DCLK3: variants seen among roughly 807,000 people sequenced by gnomAD.
DCLK3 encodes doublecortin like kinase 3, also known as serine/threonine-protein kinase DCLK3.
DCLK3 carries 30 observed loss-of-function variants against 46.4 expected under a neutral mutation model. That is an observed-to-expected ratio of 0.65 (90% CI 0.48 to 0.88). The LOEUF is 0.88. Among genes scored for constraint, DCLK3 ranks in the 40% least tolerant of loss-of-function variants. DCLK3 has a pLI of 0.00. For missense variants in DCLK3, 846 were observed against 907.1 expected, an observed-to-expected ratio of 0.93 and a Z score of 0.87; for synonymous variants, 401 against 339.2, an observed-to-expected ratio of 1.18 and a Z score of -2.00.
At chr3:36,742,237 G>A (rs767014353) in intron 1 of DCLK3, among the ~76,000 whole-genome samples, 25 of 152,170 alleles carry the variant, frequency 1.6e-4, no homozygotes, top group Non-Finnish European at 3.1e-4. Context: ...ATCTGAGTGT[G>A]GTAATGGATG....
intron 1 of DCLK3, among the ~76,000 whole-genome samples, chr3:36,752,597 G>A (rs935251984): frequency 8.5e-5 from 13 of 152,214 alleles, no homozygotes; most frequent in Non-Finnish European, 1.9e-4. Flanking sequence ...GGTGGCTGGA[G>A]TGTCTTGAAA....
intron 1 of DCLK3, among the ~76,000 whole-genome samples, chr3:36,743,758 A>T (rs1418873343): frequency 1.3e-5 from 2 of 152,104 alleles, no homozygotes; most frequent in Non-Finnish European, 2.9e-5. Context: ...AATAACCTAC[A>T]GTAGCTCCTT....
intron 1 of DCLK3, among the ~76,000 whole-genome samples, chr3:36,744,985 G>A (rs529812570): frequency 4.0e-4 from 61 of 152,254 alleles, no homozygotes; most frequent in African/African-American, 1.3e-3. Flanking sequence ...CTCAGAAAGT[G>A]GGTCTCTTAT....
chr3:36,757,947 C>T (rs1701502628), intron 1 of DCLK3, among the ~76,000 whole-genome samples: 1 of 152,150 alleles, frequency 6.6e-6, no homozygotes, highest in Admixed American at 6.5e-5. Context: ...ACCTTAACTA[C>T]ATCTGAGCAC....
intron 2 of DCLK3, among the ~76,000 whole-genome samples, chr3:36,724,820 T>C (rs1025249975): frequency 6.6e-6 from 1 of 151,976 alleles, no homozygotes; most frequent in Non-Finnish European, 1.5e-5. Flanking sequence ...CCCACAAAAA[T>C]TAAAAATTAT....
intron 1 of DCLK3, among the ~76,000 whole-genome samples, chr3:36,744,154 A>T (rs532379732): frequency 6.6e-6 from 1 of 152,214 alleles, no homozygotes; most frequent in African/African-American, 2.4e-5. Flanking sequence ...AAACCCCCCA[A>T]CTCTGCCCCA....
intron 2 of DCLK3, 83 bp from the exon 3 acceptor site, chr3:36,721,742 G>T (rs1200506954): frequency 1.3e-6 from 2 of 1,549,688 alleles, no homozygotes; most frequent in Non-Finnish European, 1.8e-6. Flanking sequence ...GCCATGCAAG[G>T]TCAAGAAAAG....
intron 1 of DCLK3, among the ~76,000 whole-genome samples, chr3:36,740,903 G>T (rs1701337452): frequency 6.7e-6 from 1 of 150,188 alleles, no homozygotes; most frequent in African/African-American, 2.5e-5. Context: ...TTTTGGCCCA[G>T]CAAATCTACA....
At chr3:36,736,410 A>C (rs1476266751) in intron 2 of DCLK3, among the ~76,000 whole-genome samples, 6 of 152,216 alleles carry the variant, frequency 3.9e-5, no homozygotes, top group Non-Finnish European at 2.9e-5. Context: ...GCATTTGGAC[A>C]TCAGTATAAA....
At chr3:36,723,187 G>A (rs1701083178) in intron 2 of DCLK3, among the ~76,000 whole-genome samples, 1 of 152,212 alleles carries the variant, frequency 6.6e-6, no homozygotes, top group Non-Finnish European at 1.5e-5. Context: ...CCCTGCCCTA[G>A]AGATTTATGG....
rs527249452 is a variant in DCLK3 at position 36,758,444 on chromosome 3, G to A, written c.82+5738C>T. Reference sequence around the variant, plus strand: ...GGCTTTGGGGAAGTGATTAAGTCACGAGGGCTCTACCTTAAAGAATGGATG... The same window carrying A: ...GGCTTTGGGGAAGTGATTAAGTCACAAGGGCTCTACCTTAAAGAATGGATG... On this transcript the variant is annotated intron_variant, in intron 1 of 4. Transcript: ENST00000636136. Among the ~76,000 whole-genome samples, 126 of 152,278 alleles carry A rather than the reference G, an allele frequency of 8.3e-4. 1 individual carries two copies. Among genetic ancestry groups the A allele is most frequent in the South Asian group, 2.5e-3 (12 of 4,818 alleles).
chr3:36,758,193 G>A (rs1468791891), intron 1 of DCLK3, among the ~76,000 whole-genome samples: 2 of 152,124 alleles, frequency 1.3e-5, no homozygotes, highest in Non-Finnish European at 2.9e-5. Context: ...TCTCAAAATT[G>A]TGTTTTGTTT....
rs557196214 is a variant in DCLK3, at chr3:36,723,107, G to A, written c.1960-1448C>T. On this transcript the variant is annotated intron_variant, in intron 2 of 4. Coordinates refer to ENST00000636136, the MANE Select transcript of DCLK3 (RefSeq NM_001394672.2). ...GACTGAGGTGGTCTCAGATGGAAAT[G>A]AGGAACTTGTTGGGAACTGGGACAA... Among the ~76,000 whole-genome samples, 140 of 152,306 alleles carry A rather than the reference G, an allele frequency of 9.2e-4. 1 individual carries two copies. The highest frequency in any genetic ancestry group is 3.5e-3 in the South Asian group (17 of 4,826).
chr3:36,712,507 A>C lies in DCLK3; in HGVS notation c.*2821T>G, dbSNP rs1462162229. The C allele has an allele frequency of 6.6e-6, 1 of 152,148 alleles. No homozygotes were observed. Among genetic ancestry groups the C allele is most frequent in the Non-Finnish European group, 1.5e-5 (1 of 68,016 alleles). 9.4% of individuals were successfully genotyped at this position (152,148 alleles called of 1,614,324 possible). ...TGTACAATTTGGTAAGTTTTGACAT[A>C]TATACCCCCATAAATCCATTATTAC... On this transcript the variant is annotated 3_prime_UTR_variant, in exon 5 of 5. Coordinates refer to ENST00000636136, the MANE Select transcript of DCLK3 (RefSeq NM_001394672.2).
chr3:36,735,560 G>A (rs1701251123), intron 2 of DCLK3, among the ~76,000 whole-genome samples: 2 of 152,146 alleles, frequency 1.3e-5, no homozygotes, highest in South Asian at 4.1e-4. Flanking sequence ...AAATGCAACT[G>A]GGATGGTGTC....
At chr3:36,729,247 G>T (rs1446461544) in intron 2 of DCLK3, among the ~76,000 whole-genome samples, 8 of 98,508 alleles carry the variant, frequency 8.1e-5, no homozygotes, top group East Asian at 7.2e-4. Context: ...GTGTGTGTGT[G>T]TGGGGGGGGG....
At chr3:36,760,510 A>G (rs1575149295) in intron 1 of DCLK3, among the ~76,000 whole-genome samples, 2 of 152,070 alleles carry the variant, frequency 1.3e-5, no homozygotes, top group Non-Finnish European at 2.9e-5. Flanking sequence ...TAGCATTAGG[A>G]GATATACCTA....
At chr3:36,729,583 TAACTC>T (rs1373968013) in intron 2 of DCLK3, among the ~76,000 whole-genome samples, 1 of 152,196 alleles carries the variant, frequency 6.6e-6, no homozygotes, top group African/African-American at 2.4e-5. Context: ...TCTGAACAAT[TAACTC>T]TGCTCTCTCC....
At chr3:36,736,773 C>A (rs1701268008) in intron 2 of DCLK3, among the ~76,000 whole-genome samples, 1 of 152,220 alleles carries the variant, frequency 6.6e-6, no homozygotes, top group African/African-American at 2.4e-5. Flanking sequence ...AGTGCTGCAC[C>A]TTTTCACCTT....
Sources: allele counts gnomAD v4.1 joint callset (sites outside exome capture counted in the v4.1 genomes callset), GRCh38; gene constraint gnomAD v4.1.1; transcripts MANE v1.5; gene names NCBI Gene and HGNC (gene_info 2026-07-23, HGNC 2026-07-21).